The following ZNF565 variants were observed in gnomAD, a reference collection of about 807,000 sequenced individuals.
ZNF565 encodes the protein zinc finger protein 565.
In ZNF565, 27 loss-of-function variants were observed where a neutral mutation model predicts 39.4. The observed-to-expected ratio is 0.69, with a 90% CI of 0.51 to 0.95. The LOEUF (loss-of-function observed/expected upper bound fraction) is 0.95, where lower values mean the gene tolerates loss of function less well. ZNF565 is among the 40% of genes least tolerant of loss of function. The pLI, the probability that ZNF565 is intolerant of heterozygous loss-of-function variation, is 0.00. For synonymous variants in ZNF565, 185 were observed against 216.6 expected, an observed-to-expected ratio of 0.85 and a Z score of 1.28; for missense variants, 524 against 621.1, an observed-to-expected ratio of 0.84 and a Z score of 1.66.
intron 4 of ZNF565, among the ~76,000 whole-genome samples, chr19:36,185,060 G>A (rs1475709551): frequency 6.6e-6 from 1 of 151,852 alleles, no homozygotes; most frequent in Non-Finnish European, 1.5e-5. Context: ...AGAGGTTGCA[G>A]TGAGCCAAGA....
At chr19:36,185,615 T>C (rs779325634) in intron 4 of ZNF565, among the ~76,000 whole-genome samples, 1 of 151,782 alleles carries the variant, frequency 6.6e-6, no homozygotes, top group Non-Finnish European at 1.5e-5. Flanking sequence ...GCCTTTTCCA[T>C]CTCAGATCTC....
chr19:36,194,659 C>T, intron 3 of ZNF565: 2 of 464,140 alleles, frequency 4.3e-6, no homozygotes, highest in Non-Finnish European at 4.0e-6. Flanking sequence ...CCAATCTATT[C>T]CTTGATGCTC....
At chr19:36,202,844 C>T (rs1050160156) in intron 1 of ZNF565, among the ~76,000 whole-genome samples, 4 of 152,146 alleles carry the variant, frequency 2.6e-5, no homozygotes, top group African/African-American at 7.2e-5. Flanking sequence ...ACCATGCATA[C>T]CATAGGCTCT....
At chr19:36,208,740 G>T (rs1023590066) in intron 1 of ZNF565, among the ~76,000 whole-genome samples, 7 of 152,126 alleles carry the variant, frequency 4.6e-5, no homozygotes, top group Non-Finnish European at 7.4e-5. Context: ...AGCTAGACAG[G>T]TACAGGAATC....
intron 4 of ZNF565, among the ~76,000 whole-genome samples, chr19:36,187,687 G>C (rs1040733080): frequency 6.7e-6 from 1 of 148,918 alleles, no homozygotes; most frequent in African/African-American, 2.5e-5. Flanking sequence ...GCCTAGGCTG[G>C]AGTGCAGTGG....
intron 4 of ZNF565, among the ~76,000 whole-genome samples, chr19:36,186,656 G>A (rs1367473786): frequency 2.0e-5 from 3 of 152,102 alleles, no homozygotes; most frequent in African/African-American, 7.2e-5. Context: ...GGGCATGGTG[G>A]CAGGCACCTG....
chr19:36,240,033 A>G (rs1977771619), intron 1 of ZNF565, among the ~76,000 whole-genome samples: 2 of 152,198 alleles, frequency 1.3e-5, no homozygotes, highest in South Asian at 4.1e-4. Context: ...CCTTTATATT[A>G]TGATGTACCC....
At chr19:36,202,360 C>T (rs748947774) in intron 1 of ZNF565, among the ~76,000 whole-genome samples, 12 of 151,544 alleles carry the variant, frequency 7.9e-5, no homozygotes, top group Non-Finnish European at 1.6e-4. Flanking sequence ...GAGCGAGACT[C>T]GATCTCAAAA....
intron 1 of ZNF565, among the ~76,000 whole-genome samples, chr19:36,233,275 AGGT>A (rs1977470786): frequency 6.6e-6 from 1 of 151,946 alleles, no homozygotes; most frequent in South Asian, 2.1e-4. Context: ...GCTACTTGGG[AGGT>A]TGAGGCTTCA....
intron 1 of ZNF565, among the ~76,000 whole-genome samples, chr19:36,221,316 TCTCA>T (rs1269224273): frequency 8.3e-6 from 1 of 120,812 alleles, no homozygotes; most frequent in Non-Finnish European, 1.6e-5. Context: ...TGAGACGGAG[TCTCA>T]CTCTGTCCCC....
chr19:36,191,010 A>C (rs200487918), intron 4 of ZNF565, among the ~76,000 whole-genome samples: 4 of 144,998 alleles, frequency 2.8e-5, no homozygotes, highest in South Asian at 4.3e-4. Flanking sequence ...AAAAAAAAAA[A>C]CACATAAAAA....
chr19:36,223,022 C>T (rs1976919658), intron 1 of ZNF565, among the ~76,000 whole-genome samples: 1 of 151,968 alleles, frequency 6.6e-6, no homozygotes, highest in Admixed American at 6.6e-5. Context: ...CTGTGTTGCA[C>T]AGGCTGGCCT....
intron 1 of ZNF565, among the ~76,000 whole-genome samples, chr19:36,206,529 C>T (rs964081505): frequency 1.3e-5 from 2 of 151,922 alleles, no homozygotes; most frequent in African/African-American, 4.8e-5. Flanking sequence ...TATTGATATT[C>T]CTAATTATAT....
At chr19:36,219,242 C>T (rs1976739295), upstream of ZNF565, among the ~76,000 whole-genome samples, 1 of 152,084 alleles carries the variant, frequency 6.6e-6, no homozygotes, top group African/African-American at 2.4e-5. Flanking sequence ...TTGCAGCCTC[C>T]ACCTCCTGGG....
At chr19:36,194,915 C>T (rs763147197) in intron 3 of ZNF565, 115 bp downstream of exon 3, 40 of 1,514,616 alleles carry the variant, frequency 2.6e-5, no homozygotes, top group Non-Finnish European at 3.4e-5. Flanking sequence ...TTTGTAGCGT[C>T]TCCTGTGACA....
chr19:36,240,241 T>G (rs1977775343), intron 1 of ZNF565, among the ~76,000 whole-genome samples: 1 of 152,224 alleles, frequency 6.6e-6, no homozygotes, highest in Admixed American at 6.5e-5. Context: ...ATTTACATTG[T>G]ATTAGGTATT....
Position 36,222,926 on chromosome 19 carries a change from G to GC in ZNF565, c.56-20877dup, listed in dbSNP as rs1481480609. Among the ~76,000 whole-genome samples, 3 of 150,802 alleles carry GC rather than the reference G, an allele frequency of 2.0e-5. No homozygotes were observed. The East Asian group carries it at 5.9e-4, about 30-fold the overall frequency. ...TTTTACATAGCCGTGCTTAGAATGA[G>GC]CCCCCTGTGGTTGGTGAGCACAGAG... On this transcript the variant is annotated intron_variant, in intron 1 of 4. Coordinates refer to the ZNF565 transcript ENST00000355114.
At position 36,183,268 on chromosome 19, in the gene ZNF565, C is replaced by T. The variant is rs1975152221; in HGVS notation, c.698G>A (p.Gly233Asp). 2 of 1,614,054 alleles carry T rather than the reference C, an allele frequency of 1.2e-6. No individual in the cohort carries two copies. Among genetic ancestry groups the T allele is most frequent in the African/African-American group, 1.3e-5 (1 of 75,002 alleles). ...ATGTAGAATAAGTTCTGATGTACGA[C>T]CAAAGGCCTTCCCACAGTCCTTACA... Reference protein sequence around the residue: ...YDCKDCGKAFGRTSELILHQR... With the variant: ...YDCKDCGKAFDRTSELILHQR... The change falls in exon 5 of 5, where the codon GGT becomes GAT. Residue 233 changes from glycine (G) to aspartate (D), a missense_variant. Physicochemically the swap from Gly to Asp is moderately conservative, Grantham distance 94 (BLOSUM62 -1). Coordinates refer to ENST00000304116, the MANE Select transcript of ZNF565 (RefSeq NM_152477.5).
chr19:36,202,083 C>T (rs765089735), intron 1 of ZNF565, 33 bp from the exon 2 acceptor site: 6 of 1,277,264 alleles, frequency 4.7e-6, no homozygotes, highest in Non-Finnish European at 4.6e-6. Flanking sequence ...GATGGGGTAA[C>T]CTCTGATAAA....
Sources: gnomAD v4.1 joint callset for allele counts (sites outside exome capture counted in the v4.1 genomes callset) on GRCh38, gnomAD v4.1.1 for gene constraint, MANE v1.5 for transcripts, NCBI Gene and HGNC (gene_info 2026-07-23, HGNC 2026-07-21) for gene names.